ZFP62: variants seen among roughly 807,000 people sequenced by gnomAD.
ZFP62 encodes the protein zinc finger protein 62 homolog.
A neutral mutation model predicts 56.4 loss-of-function variants in ZFP62; 44 were observed. The observed-to-expected ratio is 0.78, with a 90% CI of 0.61 to 1.00. The LOEUF is 1.00. Among genes scored for constraint, ZFP62 ranks in the 50% least tolerant of loss-of-function variants. ZFP62 has a pLI of 0.00. For synonymous variants in ZFP62, 421 were observed against 388.9 expected (o/e 1.08, Z -0.97); for missense variants, 1,030 against 1,085.7 (o/e 0.95, Z 0.72).
the ZFP62 span, among the ~76,000 whole-genome samples, chr5:180,833,274 A>C: frequency 1.6e-4 from 25 of 152,022 alleles, 1 homozygote; most frequent in East Asian, 4.9e-3. Flanking sequence ...AGGTCAAGAG[A>C]TCGAGACCAT....
chr5:180,858,162 CAGG>C (rs1774090772), intron 1 of ZFP62, among the ~76,000 whole-genome samples: 2 of 131,560 alleles, frequency 1.5e-5, no homozygotes. Flanking sequence ...GAGGCTGAAG[CAGG>C]AGAATTGCCT....
chr5:180,844,085 T>A (rs1773364739), downstream of ZFP62, among the ~76,000 whole-genome samples: 3 of 152,364 alleles, frequency 2.0e-5, no homozygotes, highest in South Asian at 6.2e-4. Flanking sequence ...ACCAATTTTG[T>A]CTTTTCAAAG....
At chr5:180,844,857 C>A (rs1561898606), downstream of ZFP62, among the ~76,000 whole-genome samples, 1 of 152,192 alleles carries the variant, frequency 6.6e-6, no homozygotes. Context: ...TTGTCCTCCA[C>A]TGCCCAAGCA....
At chr5:180,858,888 C>T (rs549236145) in intron 1 of ZFP62, among the ~76,000 whole-genome samples, 9 of 152,300 alleles carry the variant, frequency 5.9e-5, no homozygotes, top group African/African-American at 1.7e-4. Flanking sequence ...GTCTAATAGC[C>T]TGGTTACATC....
downstream of ZFP62, among the ~76,000 whole-genome samples, chr5:180,845,398 A>G (rs1033440640): frequency 1.4e-5 from 2 of 146,600 alleles, no homozygotes; most frequent in African/African-American, 2.5e-5. Context: ...TTACTTGCCT[A>G]AAGTCATCTG....
At chr5:180,835,979 T>C in the ZFP62 span, among the ~76,000 whole-genome samples, 1 of 152,244 alleles carries the variant, frequency 6.6e-6, no homozygotes, top group African/African-American at 2.4e-5. Context: ...ATAACACCAT[T>C]ATTTTTACGG....
At chr5:180,827,839 C>T in the ZFP62 span, among the ~76,000 whole-genome samples, 1 of 152,236 alleles carries the variant, frequency 6.6e-6, no homozygotes, top group East Asian at 1.9e-4. Flanking sequence ...TAGGGAAAAA[C>T]CGCCTTAGGG....
At chr5:180,829,747 C>T in the ZFP62 span, among the ~76,000 whole-genome samples, 2 of 152,122 alleles carry the variant, frequency 1.3e-5, no homozygotes, top group South Asian at 2.1e-4. Flanking sequence ...GTGACTTAGC[C>T]AAAAGCACTG....
At chr5:180,832,392 G>A in the ZFP62 span, among the ~76,000 whole-genome samples, 21,179 of 152,126 alleles carry the variant, frequency 0.14, 1,977 homozygotes, top group African/African-American at 0.26. Flanking sequence ...TGCCCCAGCA[G>A]TCCTCCTGCC....
At position 180,850,933 on chromosome 5, in the gene ZFP62, T is replaced by C; in HGVS notation, c.562A>G (p.Lys188Glu). The change falls in exon 2 of 2, where the codon AAA becomes GAA. Residue 188 changes from lysine (K) to glutamate (E), a missense_variant. By Grantham distance (56) the Lys-to-Glu change is moderately conservative (BLOSUM62 1). Coordinates refer to ENST00000502412, the MANE Select transcript of ZFP62 (RefSeq NM_001172638.2). The part of the protein sequence containing the change: ...FRSSSSLRVH[K>E]RIHTGEKPYK... ...GGCTTCTCCCCAGTGTGGATCCGTT[T>C]GTGGACCCGAAGGCTCGAGCTGCTC... is the stretch of plus-strand genomic sequence containing the variant. 1 of 1,560,818 alleles carries C rather than the reference T, an allele frequency of 6.4e-7. No homozygotes were observed. The highest frequency in any genetic ancestry group is 8.7e-7 in the Non-Finnish European group (1 of 1,152,698).
the ZFP62 span, among the ~76,000 whole-genome samples, chr5:180,840,981 C>T: frequency 6.6e-6 from 1 of 152,006 alleles, no homozygotes; most frequent in Non-Finnish European, 1.5e-5. Context: ...CTAGGAACTC[C>T]ATGATTTGTG....
chr5:180,845,733 G>A (rs1352666868), downstream of ZFP62: 10 of 985,270 alleles, frequency 1.0e-5, no homozygotes, highest in African/African-American at 1.7e-5. Flanking sequence ...ACAGACTTCA[G>A]GTCCCCAATG....
At chr5:180,855,650 T>C (rs1261311564) in intron 1 of ZFP62, among the ~76,000 whole-genome samples, 1 of 152,148 alleles carries the variant, frequency 6.6e-6, no homozygotes, top group Non-Finnish European at 1.5e-5. Flanking sequence ...CACTTTTGCC[T>C]AAATCAGAAA....
chr5:180,836,614 A>G, the ZFP62 span, among the ~76,000 whole-genome samples: 7 of 152,254 alleles, frequency 4.6e-5, no homozygotes, highest in Non-Finnish European at 1.5e-5. Context: ...GGACTTGAAC[A>G]TATATTTTTA....
chr5:180,840,056 A>T, the ZFP62 span, among the ~76,000 whole-genome samples: 3 of 152,196 alleles, frequency 2.0e-5, no homozygotes, highest in African/African-American at 7.2e-5. Flanking sequence ...GAATGTCAGG[A>T]AGGCCAGAGA....
At chr5:180,829,250 CTTTG>C in the ZFP62 span, among the ~76,000 whole-genome samples, 184 of 142,710 alleles carry the variant, frequency 1.3e-3, 1 homozygote, top group African/African-American at 5.4e-3. Flanking sequence ...GCCTTTTGCC[CTTTG>C]TCCTGTTTCC....
downstream of ZFP62, chr5:180,847,547 T>G: frequency 1.0e-6 from 1 of 975,624 alleles, no homozygotes; most frequent in Non-Finnish European, 1.2e-6. Flanking sequence ...CTGGTATAAC[T>G]TACCCAACAA....
chr5:180,832,429 A>G, the ZFP62 span, among the ~76,000 whole-genome samples: 1 of 152,236 alleles, frequency 6.6e-6, no homozygotes, highest in Non-Finnish European at 1.5e-5. Flanking sequence ...CTGAGATTAC[A>G]GGCATGAGCC....
the ZFP62 span, chr5:180,835,755 G>A: frequency 2.0e-5 from 3 of 152,234 alleles, no homozygotes; most frequent in Non-Finnish European, 4.4e-5. Context: ...GATCATTTAT[G>A]TGACAGTTTC....
Sources: gnomAD v4.1 joint callset for allele counts (sites outside exome capture counted in the v4.1 genomes callset) on GRCh38, gnomAD v4.1.1 for gene constraint, MANE v1.5 for transcripts, NCBI Gene and HGNC (gene_info 2026-07-23, HGNC 2026-07-21) for gene names.